VEPH1: variants seen among roughly 807,000 people sequenced by gnomAD.
The protein encoded by VEPH1 is ventricular zone-expressed PH domain-containing protein homolog 1.
VEPH1 carries 80 observed loss-of-function variants against 85.2 expected under a neutral mutation model. The ratio of observed to expected loss-of-function variants is 0.94; its 90% CI spans 0.78 to 1.13. VEPH1 has a LOEUF of 1.13. Among genes scored for constraint, VEPH1 ranks in the 50% most tolerant of loss-of-function variants. The pLI is 0.00. For missense variants in VEPH1, 955 were observed against 980.5 expected (o/e 0.97, Z 0.35); for synonymous variants, 297 against 348.0 (o/e 0.85, Z 1.63).
chr3:157,435,961 A>G (rs1480387302), intron 4 of VEPH1, among the ~76,000 whole-genome samples: 1 of 152,028 alleles, frequency 6.6e-6, no homozygotes, highest in Non-Finnish European at 1.5e-5. Flanking sequence ...TCCCCATTCT[A>G]GGTTTACCCA....
chr3:157,466,959 TAA>T (rs1339934486), intron 3 of VEPH1, among the ~76,000 whole-genome samples: 1 of 152,220 alleles, frequency 6.6e-6, no homozygotes, highest in Non-Finnish European at 1.5e-5. Flanking sequence ...CTGGAATTTT[TAA>T]AAGTTATTTT....
chr3:157,375,569 G>A (rs963022043), intron 7 of VEPH1, among the ~76,000 whole-genome samples: 3 of 152,158 alleles, frequency 2.0e-5, no homozygotes, highest in Non-Finnish European at 4.4e-5. Flanking sequence ...TGCATGGAAT[G>A]TAGGATAAAT....
intron 4 of VEPH1, among the ~76,000 whole-genome samples, chr3:157,449,292 G>A (rs976953121): frequency 2.6e-4 from 39 of 152,238 alleles, no homozygotes; most frequent in African/African-American, 7.9e-4. Flanking sequence ...TTTATTGCTT[G>A]TTTGCTGAGA....
chr3:157,286,805 C>T (rs893131414), intron 11 of VEPH1, 131 bp from the exon 12 acceptor site: 4 of 729,756 alleles, frequency 5.5e-6, no homozygotes, highest in African/African-American at 5.3e-5. Context: ...TAAGAGGCAG[C>T]ATTGAAAAAA....
intron 11 of VEPH1, among the ~76,000 whole-genome samples, chr3:157,309,474 G>T (rs1333096627): frequency 6.6e-6 from 1 of 152,078 alleles, no homozygotes; most frequent in East Asian, 1.9e-4. Context: ...ACAATGACAA[G>T]CATATGTTCT....
chr3:157,357,314 G>A (rs1725551126), intron 9 of VEPH1, among the ~76,000 whole-genome samples: 1 of 152,160 alleles, frequency 6.6e-6, no homozygotes, highest in South Asian at 2.1e-4. Context: ...TTCATTTTCA[G>A]TCAGATAACT....
intron 4 of VEPH1, among the ~76,000 whole-genome samples, chr3:157,455,308 C>T (rs1486247564): frequency 6.6e-6 from 1 of 152,066 alleles, no homozygotes; most frequent in Non-Finnish European, 1.5e-5. Flanking sequence ...GAGATGGTAC[C>T]TCATTGTGAT....
intron 9 of VEPH1, among the ~76,000 whole-genome samples, chr3:157,349,738 GA>G (rs34927854): frequency 0.059 from 8,944 of 152,070 alleles, 310 homozygotes; most frequent in South Asian, 0.11. Flanking sequence ...TGAATTAGCT[GA>G]AAAAGAAATC....
At chr3:157,474,315 T>TA (rs34759945) in intron 2 of VEPH1, among the ~76,000 whole-genome samples, 1 of 152,072 alleles carries the variant, frequency 6.6e-6, no homozygotes, top group Non-Finnish European at 1.5e-5. Flanking sequence ...CTAAATCCAT[T>TA]AAAAAAACAA....
intron 3 of VEPH1, among the ~76,000 whole-genome samples, chr3:157,469,752 C>A (rs1736741428): frequency 6.6e-6 from 1 of 152,124 alleles, no homozygotes; most frequent in Non-Finnish European, 1.5e-5. Context: ...GTGACTTGCC[C>A]AATATCGCAG....
At chr3:157,449,249 T>C (rs530059971) in intron 4 of VEPH1, among the ~76,000 whole-genome samples, 2 of 152,358 alleles carry the variant, frequency 1.3e-5, no homozygotes, top group African/African-American at 2.4e-5. Flanking sequence ...TTAGTATTAA[T>C]AGATACCTTT....
chr3:157,358,506 C>T lies in VEPH1; in HGVS notation c.1735+4858G>A, dbSNP rs184355292. 5.2e-3 allele frequency among the ~76,000 whole-genome samples: 799 copies of T among 152,198 alleles called. 5 individuals are homozygous for T. The highest frequency in any genetic ancestry group is 0.018 in the African/African-American group (762 of 41,508). On this transcript the variant is annotated intron_variant, in intron 9 of 13. Transcript: ENST00000362010. ...ATCCTAATCCCATGATTAAACTAAT[C>T]CATTAAAAAATAAAAAAGAAACCTT...
At chr3:157,278,670 T>G (rs1301826997) in intron 12 of VEPH1, among the ~76,000 whole-genome samples, 3 of 152,178 alleles carry the variant, frequency 2.0e-5, no homozygotes, top group African/African-American at 7.2e-5. Context: ...GATGGCAACT[T>G]GCACTAGTGC....
chr3:157,436,751 C>T, intron 4 of VEPH1: 7 of 292,618 alleles, frequency 2.4e-5, no homozygotes, highest in South Asian at 3.1e-5. Flanking sequence ...CCACCAAATT[C>T]AGGGGAACTC....
intron 9 of VEPH1, among the ~76,000 whole-genome samples, chr3:157,335,237 GA>G (rs59720322): frequency 0.034 from 4,779 of 142,570 alleles, 207 homozygotes; most frequent in African/African-American, 0.11. Context: ...ACATCTCTAT[GA>G]AAAAAAAAAA....
intron 13 of VEPH1, among the ~76,000 whole-genome samples, chr3:157,262,353 T>C (rs527711911): frequency 6.6e-6 from 1 of 152,290 alleles, no homozygotes; most frequent in East Asian, 1.9e-4. Flanking sequence ...ATTATACTTA[T>C]GGATTTTCAT....
chr3:157,285,898 A>G (rs1559924819), intron 12 of VEPH1, among the ~76,000 whole-genome samples: 2 of 152,186 alleles, frequency 1.3e-5, no homozygotes, highest in Admixed American at 1.3e-4. Context: ...TTTCCTCATC[A>G]GTAAAGCAGA....
Position 157,443,064 on chromosome 3 carries a change from A to T in VEPH1, c.530-14576T>A, listed in dbSNP as rs1024721813. 7.6e-6 allele frequency: 11 copies of T among 1,453,836 alleles called. No individual in the cohort carries two copies. In the South Asian group the frequency reaches 1.4e-4, roughly 18 times the overall value. 90.1% of individuals were successfully genotyped at this position (1,453,836 alleles called of 1,614,324 possible). On this transcript the variant is annotated intron_variant, in intron 4 of 13. Transcript: ENST00000362010. ...TTGGGAAGGTCTGAAAACTCAGTGC[A>T]TAATAGGAACACTTGAGACTAATGA...
At chr3:157,277,496 T>C (rs987878815) in intron 12 of VEPH1, among the ~76,000 whole-genome samples, 1 of 152,208 alleles carries the variant, frequency 6.6e-6, no homozygotes, top group Non-Finnish European at 1.5e-5. Context: ...TGTAAATTCT[T>C]GTATTCTGGA....
Sources: allele counts gnomAD v4.1 joint callset (sites outside exome capture counted in the v4.1 genomes callset), GRCh38; gene constraint gnomAD v4.1.1; transcripts MANE v1.5; gene names NCBI Gene and HGNC (gene_info 2026-07-23, HGNC 2026-07-21).